PARD3: variants seen among roughly 807,000 people sequenced by gnomAD.
PARD3 encodes the protein partitioning defective 3 homolog.
Under a neutral mutation model 155.4 loss-of-function variants are expected in PARD3, and 75 were observed. The ratio of observed to expected loss-of-function variants is 0.48; its 90% confidence interval spans 0.40 to 0.58. PARD3 has a LOEUF of 0.58. Ranked by LOEUF, PARD3 falls within the 20% of genes least tolerant of loss-of-function variation. The pLI is 0.00. For missense variants in PARD3, 1,642 were observed against 1,721.7 expected, an observed-to-expected ratio of 0.95 and a Z score of 0.82; for synonymous variants, 576 against 610.5, an observed-to-expected ratio of 0.94 and a Z score of 0.83.
intron 2 of PARD3, among the ~76,000 whole-genome samples, chr10:34,611,082 T>G (rs1438067719): frequency 6.6e-6 from 1 of 152,192 alleles, no homozygotes; most frequent in Non-Finnish European, 1.5e-5. Context: ...AACCGGTCTA[T>G]GTTAACGATG....
chr10:34,705,189 T>C, intron 1 of PARD3, among the ~76,000 whole-genome samples: 1 of 152,188 alleles, frequency 6.6e-6, no homozygotes, highest in Non-Finnish European at 1.5e-5. Flanking sequence ...ATTGGCCAGG[T>C]GCAGTAGCTC....
At chr10:34,664,660 A>G (rs1404304120) in intron 2 of PARD3, among the ~76,000 whole-genome samples, 2 of 151,530 alleles carry the variant, frequency 1.3e-5, no homozygotes, top group Non-Finnish European at 2.9e-5. Flanking sequence ...TAATTTTTGT[A>G]TTTTTAGTAG....
chr10:34,812,900 G>A (rs1844377375), intron 1 of PARD3, among the ~76,000 whole-genome samples: 4 of 152,170 alleles, frequency 2.6e-5, no homozygotes, highest in East Asian at 1.9e-4. Flanking sequence ...ACTGCTAATC[G>A]TTAATAAGGA....
chr10:34,459,479 C>A (rs909781904), intron 4 of PARD3, among the ~76,000 whole-genome samples: 4 of 152,144 alleles, frequency 2.6e-5, no homozygotes, highest in Admixed American at 2.0e-4. Flanking sequence ...CCCTCATTTT[C>A]TTTCAAAAAT....
intron 3 of PARD3, among the ~76,000 whole-genome samples, chr10:34,514,459 G>A (rs969306006): frequency 1.2e-4 from 19 of 152,234 alleles, no homozygotes; most frequent in Admixed American, 9.2e-4. Context: ...CTGAATGAAC[G>A]TCATTAATGC....
At chr10:34,665,073 A>G (rs543154149) in intron 2 of PARD3, among the ~76,000 whole-genome samples, 1 of 152,174 alleles carries the variant, frequency 6.6e-6, no homozygotes, top group African/African-American at 2.4e-5. Context: ...ATATAAGTAA[A>G]ACCACAATTA....
chr10:34,642,855 A>T (rs2092721914), intron 2 of PARD3, among the ~76,000 whole-genome samples: 1 of 152,126 alleles, frequency 6.6e-6, no homozygotes, highest in South Asian at 2.1e-4. Context: ...GTGCAGCCAG[A>T]TGACCTTATT....
chr10:34,494,883 T>C (rs1293194607), intron 3 of PARD3, among the ~76,000 whole-genome samples: 3 of 152,138 alleles, frequency 2.0e-5, no homozygotes. Flanking sequence ...AGATGAAATG[T>C]AGGATGCACT....
intron 7 of PARD3, among the ~76,000 whole-genome samples, chr10:34,388,651 T>G (rs1482637214): frequency 6.6e-6 from 1 of 152,208 alleles, no homozygotes; most frequent in Admixed American, 6.5e-5. Flanking sequence ...GAGAAAGTAA[T>G]CAAAGCAAAT....
intron 1 of PARD3, among the ~76,000 whole-genome samples, chr10:34,805,770 A>G (rs1029724882): frequency 5.9e-5 from 9 of 151,764 alleles, no homozygotes; most frequent in Non-Finnish European, 1.2e-4. Flanking sequence ...AGGTCAGGAG[A>G]TCGAGACCAT....
chr10:34,346,422 C>CT, intron 15 of PARD3: 1 of 1,347,572 alleles, frequency 7.4e-7, no homozygotes, highest in Non-Finnish European at 9.9e-7. Context: ...GACCAATGGT[C>CT]TGATTCAGTA....
intron 4 of PARD3, among the ~76,000 whole-genome samples, chr10:34,451,365 TAGA>T (rs778651589): frequency 9.9e-5 from 15 of 152,162 alleles, no homozygotes; most frequent in Non-Finnish European, 1.3e-4. Context: ...TACACCAAGT[TAGA>T]AGAAGTACTG....
chr10:34,724,339 C>T (rs1486681342), intron 1 of PARD3, among the ~76,000 whole-genome samples: 1 of 152,082 alleles, frequency 6.6e-6, no homozygotes, highest in Non-Finnish European at 1.5e-5. Flanking sequence ...TATACAAGCA[C>T]CTACCCTCTT....
intron 21 of PARD3, among the ~76,000 whole-genome samples, chr10:34,274,369 T>C (rs112047403): frequency 6.6e-6 from 1 of 152,348 alleles, no homozygotes; most frequent in African/African-American, 2.4e-5. Flanking sequence ...TAATGGAAGG[T>C]TGACAGGAGT....
At chr10:34,750,781 C>T (rs1172112957) in intron 1 of PARD3, among the ~76,000 whole-genome samples, 2 of 151,820 alleles carry the variant, frequency 1.3e-5, no homozygotes, top group Non-Finnish European at 2.9e-5. Flanking sequence ...CTCCGCCCCC[C>T]GGGTTCAAGT....
chr10:34,690,611 C>T (rs553209615), intron 2 of PARD3, among the ~76,000 whole-genome samples: 1 of 152,146 alleles, frequency 6.6e-6, no homozygotes, highest in African/African-American at 2.4e-5. Context: ...AACCAAACTT[C>T]CACAACAGGT....
At chr10:34,208,503 G>A (rs752011869) in intron 22 of PARD3, among the ~76,000 whole-genome samples, 32 of 152,176 alleles carry the variant, frequency 2.1e-4, no homozygotes, top group Non-Finnish European at 3.1e-4. Flanking sequence ...CTTTCAGTAC[G>A]TTTTTAACAA....
intron 2 of PARD3, among the ~76,000 whole-genome samples, chr10:34,521,019 T>C (rs1333809262): frequency 2.0e-5 from 3 of 152,218 alleles, no homozygotes; most frequent in Non-Finnish European, 2.9e-5. Flanking sequence ...ATGAAATTCA[T>C]GTTTTGTTAT....
Position 34,267,575 on chromosome 10 carries a change from T to C in PARD3, c.3419+2082A>G, listed in dbSNP as rs72786255. Among the ~76,000 whole-genome samples, 1,419 of 152,250 alleles carry C rather than the reference T, an allele frequency of 9.3e-3. 18 individuals are homozygous for C. Among genetic ancestry groups the C allele is most frequent in the South Asian group, 0.049 (236 of 4,816 alleles). ...TTTCACCTTAAGATCTGGCTTCACA[T>C]TTGCTATTTTTAAAAATACTTCTTC... is the stretch of plus-strand genomic sequence containing the variant. On this transcript the variant is annotated intron_variant, in intron 22 of 24. Transcript: ENST00000374788.
Sources: allele counts gnomAD v4.1 joint callset (sites outside exome capture counted in the v4.1 genomes callset), GRCh38; gene constraint gnomAD v4.1.1; transcripts MANE v1.5; gene names NCBI Gene and HGNC (gene_info 2026-07-23, HGNC 2026-07-21).